Variants in NELL1 observed in about 807,000 individuals in gnomAD.
NELL1 encodes protein kinase C-binding protein NELL1.
In NELL1, 76 loss-of-function variants were observed where a neutral mutation model predicts 107.4. The ratio of observed to expected loss-of-function variants is 0.71; its 90% confidence interval spans 0.59 to 0.86. The LOEUF is 0.86. NELL1 is among the 40% of genes least tolerant of loss of function. The pLI, the probability that NELL1 is intolerant of heterozygous loss-of-function variation, is 0.00. For synonymous variants in NELL1, 353 were observed against 341.2 expected (o/e 1.03, Z -0.38); for missense variants, 1,024 against 1,005.5 (o/e 1.02, Z -0.25).
chr11:21,482,696 G>A (rs1392568564), intron 15 of NELL1, among the ~76,000 whole-genome samples: 1 of 151,524 alleles, frequency 6.6e-6, no homozygotes, highest in South Asian at 2.1e-4. Context: ...CTCTCCAGTG[G>A]TGGAACTCAG....
intron 15 of NELL1, among the ~76,000 whole-genome samples, chr11:21,507,842 G>A (rs569107991): frequency 4.6e-4 from 70 of 151,326 alleles, no homozygotes; most frequent in African/African-American, 1.2e-3. Flanking sequence ...GTGCGGCGGC[G>A]TGATCTCAGC....
At chr11:20,690,165 G>T (rs1854423771) in intron 2 of NELL1, among the ~76,000 whole-genome samples, 2 of 152,078 alleles carry the variant, frequency 1.3e-5, no homozygotes, top group African/African-American at 2.4e-5. Context: ...GGAGTTCATT[G>T]CAGATTCTGG....
Position 20,738,699 on chromosome 11 carries a change from A to C in NELL1, c.185-44981A>C, listed in dbSNP as rs147986196. ...GATCATGTCCCCACATGTAAAGTGT[A>C]GGAGGAAATATCTATTTCCCAGGGT... On this transcript the variant is annotated intron_variant, in intron 2 of 19. Coordinates refer to ENST00000357134, the MANE Select transcript of NELL1 (RefSeq NM_006157.5). Among the ~76,000 whole-genome samples the C allele has an allele frequency of 3.9e-3, 597 of 152,332 alleles. 4 individuals carry two copies. The highest frequency in any genetic ancestry group is 0.013 in the African/African-American group (550 of 41,574).
chr11:20,834,360 AT>A lies in NELL1; in HGVS notation c.336-13221del, dbSNP rs561826055. Among the ~76,000 whole-genome samples, 258 of 152,272 alleles carry A rather than the reference AT, an allele frequency of 1.7e-3. 2 individuals are homozygous for A. The highest frequency in any genetic ancestry group is 6.8e-3 in the Middle Eastern group (2 of 294). ...ATGAGGCCCAGGTTTTGGGGAAAGA[AT>A]TAGGAGTTATGTGTTGCGAGTATTG... On this transcript the variant is annotated intron_variant, in intron 3 of 19. Transcript: ENST00000357134.
intron 15 of NELL1, among the ~76,000 whole-genome samples, chr11:21,498,749 T>C (rs1855055185): frequency 6.6e-6 from 1 of 152,042 alleles, no homozygotes; most frequent in Non-Finnish European, 1.5e-5. Context: ...TGTGAAGAGA[T>C]TTACCCATTT....
chr11:21,557,674 T>G (rs1180245934), intron 16 of NELL1, among the ~76,000 whole-genome samples: 2 of 152,058 alleles, frequency 1.3e-5, no homozygotes, highest in Admixed American at 6.6e-5. Flanking sequence ...TTGCTGTATT[T>G]TTTCTACTTT....
rs148778772 is a variant in NELL1, at chr11:20,745,233, G to T, written c.185-38447G>T. ...GGTGATCAGTAAATATTTGTTTTTTGTCCAGCCATCTAATTTTTATATGCC... is the reference window on the plus strand; with the variant it reads ...GGTGATCAGTAAATATTTGTTTTTTTTCCAGCCATCTAATTTTTATATGCC... On this transcript the variant is annotated intron_variant, in intron 2 of 19. Transcript: ENST00000357134. Among the ~76,000 whole-genome samples, 592 of 152,188 alleles carry T rather than the reference G, an allele frequency of 3.9e-3. 1 individual carries two copies. The highest frequency in any genetic ancestry group is 0.014 in the African/African-American group (562 of 41,532).
At chr11:21,337,735 C>CCTTTCTTTCTTTCTTTCTTTCTTTCTTT (rs34658936) in intron 14 of NELL1, among the ~76,000 whole-genome samples, 4 of 105,298 alleles carry the variant, frequency 3.8e-5, no homozygotes, top group Non-Finnish European at 7.8e-5. Flanking sequence ...TTCTTTCTTT[C>CCTTTCTTTCTTTCTTTCTTTCTTTCTTT]CTTTCTTTCT....
rs528084370 is a variant in NELL1, at chr11:21,177,077, C to T, written c.1427-52255C>T. ...AGGCTAATTAACATATCTATCATCT[C>T]GCATACGTATCCCTTCTTTGTGGTG... On this transcript the variant is annotated intron_variant, in intron 13 of 19. Transcript: ENST00000357134. Among the ~76,000 whole-genome samples, 199 of 151,794 alleles carry T rather than the reference C, an allele frequency of 1.3e-3. 5 individuals are homozygous for T. The highest frequency in any genetic ancestry group is 4.5e-3 in the African/African-American group (186 of 41,172).
At chr11:21,030,465 CT>C (rs1852925480) in intron 12 of NELL1, among the ~76,000 whole-genome samples, 1 of 152,034 alleles carries the variant, frequency 6.6e-6, no homozygotes, top group Admixed American at 6.6e-5. Context: ...TAACTGGAGT[CT>C]TGTATTTGAT....
chr11:21,161,918 T>TC (rs11408523), intron 13 of NELL1, among the ~76,000 whole-genome samples: 14,131 of 145,786 alleles, frequency 0.097, 773 homozygotes, highest in African/African-American at 0.14. Context: ...AAGTTCCCTC[T>TC]CCAATCTTTT....
At chr11:21,338,726 G>A (rs886643687) in intron 14 of NELL1, among the ~76,000 whole-genome samples, 2 of 151,968 alleles carry the variant, frequency 1.3e-5, no homozygotes, top group East Asian at 3.9e-4. Context: ...TCTGAAGGGA[G>A]CTATCCCTGC....
intron 12 of NELL1, among the ~76,000 whole-genome samples, chr11:21,073,002 A>G (rs16907412): frequency 0.16 from 23,752 of 151,882 alleles, 2,224 homozygotes; most frequent in Middle Eastern, 0.29. Flanking sequence ...TCATTTCCCC[A>G]TCGTTTATAA....
intron 14 of NELL1, among the ~76,000 whole-genome samples, chr11:21,316,662 G>T (rs1565164259): frequency 6.6e-6 from 1 of 152,144 alleles, no homozygotes; most frequent in East Asian, 1.9e-4. Flanking sequence ...CCAGATTACT[G>T]AATAGAGAAT....
At chr11:21,297,244 A>G (rs1849394664) in intron 14 of NELL1, among the ~76,000 whole-genome samples, 1 of 152,056 alleles carries the variant, frequency 6.6e-6, no homozygotes, top group South Asian at 2.1e-4. Flanking sequence ...AAGATAGGCT[A>G]CATTCAGGGT....
intron 1 of NELL1, among the ~76,000 whole-genome samples, chr11:20,676,615 C>A (rs1027876579): frequency 6.6e-6 from 1 of 152,180 alleles, no homozygotes; most frequent in African/African-American, 2.4e-5. Context: ...CCTGACCAAC[C>A]GTCTGTTGAC....
chr11:20,738,077 T>G lies in NELL1; in HGVS notation c.185-45603T>G, dbSNP rs1855803295. Among the ~76,000 whole-genome samples, 8 of 133,682 alleles carry G rather than the reference T, an allele frequency of 6.0e-5. No homozygotes were observed. The South Asian group carries it at 1.8e-3, about 29-fold the overall frequency. 87.7% of individuals were successfully genotyped at this position (133,682 alleles called of 152,430 possible). ...AAAACACCCAGAATCATCTATCATC[T>G]ATGACACAGTGTGAGAAAATGTAGC... On this transcript the variant is annotated intron_variant, in intron 2 of 19. Transcript: ENST00000357134.
In NELL1 at chr11:20,919,288, A is replaced by G. The variant is rs1250184717; in HGVS notation, c.713A>G (p.Gln238Arg). 6.2e-7 allele frequency: 1 copy of G among 1,606,852 alleles called. No homozygotes were observed. The highest frequency in any genetic ancestry group is 1.7e-5 in the Admixed American group (1 of 59,608). ...TGCAGTGATTTCTTAAGCCTGGTGCAAGGAATAATGGATTTACAAGAGCTT... is the reference window on the plus strand; with the variant it reads ...TGCAGTGATTTCTTAAGCCTGGTGCGAGGAATAATGGATTTACAAGAGCTT... ...PTCSDFLSLV[Q>R]GIMDLQELLA... The change falls in exon 7 of 20, where the codon CAA becomes CGA. Residue 238 changes from glutamine (Q) to arginine (R), a missense_variant. Transcript: ENST00000357134.
intron 15 of NELL1, among the ~76,000 whole-genome samples, chr11:21,514,424 C>G (rs1287618845): frequency 1.3e-5 from 2 of 152,134 alleles, no homozygotes; most frequent in East Asian, 3.9e-4. Context: ...GTCACAGATT[C>G]AGAATTCTAA....
Sources: gnomAD v4.1 joint callset for allele counts (sites outside exome capture counted in the v4.1 genomes callset) on GRCh38, gnomAD v4.1.1 for gene constraint, MANE v1.5 for transcripts, NCBI Gene and HGNC (gene_info 2026-07-23, HGNC 2026-07-21) for gene names.